The following THSD7B variants were observed in gnomAD, a reference collection of about 807,000 sequenced individuals.
The protein encoded by THSD7B is thrombospondin type 1 domain containing 7B.
Under a neutral mutation model 213.6 loss-of-function variants are expected in THSD7B, and 138 were observed. The ratio of observed to expected loss-of-function variants is 0.65; its 90% confidence interval spans 0.56 to 0.74. The LOEUF is 0.74. Ranked by LOEUF, THSD7B falls within the 30% of genes least tolerant of loss-of-function variation. THSD7B has a pLI of 0.00. For synonymous variants in THSD7B, 742 were observed against 687.0 expected, an observed-to-expected ratio of 1.08 and a Z score of -1.25; for missense variants, 1,931 against 1,991.5, an observed-to-expected ratio of 0.97 and a Z score of 0.58.
intron 2 of THSD7B, among the ~76,000 whole-genome samples, chr2:136,906,996 G>A (rs1684176145): frequency 7.9e-6 from 1 of 126,230 alleles, no homozygotes; most frequent in Non-Finnish European, 1.6e-5. Context: ...CCAAGCTGGA[G>A]TGCAGTGGTG....
rs1469412459 is a variant in THSD7B, at chr2:137,677,529, T to A, written c.*924T>A. 1.3e-5 allele frequency: 2 copies of A among 152,632 alleles called. No homozygotes were observed. Among genetic ancestry groups the A allele is most frequent in the African/African-American group, 2.4e-5 (1 of 41,424 alleles). 9.5% of individuals were successfully genotyped at this position (152,632 alleles called of 1,614,324 possible). A position where few individuals can be genotyped will look rare whatever the true frequency, so the allele number is the denominator to read the frequency against. ...ATTATCTGACCTCATTTAATATACA[T>A]CAAACACCGATCCTGTTTGTACAAA... On this transcript the variant is annotated 3_prime_UTR_variant, in exon 28 of 28. Transcript: ENST00000409968.
intron 18 of THSD7B, among the ~76,000 whole-genome samples, chr2:137,617,446 A>G (rs1472428713): frequency 6.6e-6 from 1 of 152,224 alleles, no homozygotes; most frequent in Non-Finnish European, 1.5e-5. Flanking sequence ...CTAGTTTGTA[A>G]TATGACTAGC....
chr2:137,413,770 A>C (rs1475019986), intron 14 of THSD7B, among the ~76,000 whole-genome samples: 1 of 152,188 alleles, frequency 6.6e-6, no homozygotes, highest in Non-Finnish European at 1.5e-5. Context: ...TCAGCTTGGA[A>C]GTGGGGTAAG....
At chr2:137,438,217 A>C (rs1687332395) in intron 14 of THSD7B, among the ~76,000 whole-genome samples, 1 of 152,142 alleles carries the variant, frequency 6.6e-6, no homozygotes, top group East Asian at 1.9e-4. Flanking sequence ...ACAAGTAGTA[A>C]GTGTCCTGGT....
intron 3 of THSD7B, among the ~76,000 whole-genome samples, chr2:137,059,057 T>C (rs1573794914): frequency 1.3e-5 from 2 of 152,224 alleles, no homozygotes. Context: ...TCCACAGTTC[T>C]GGAGGCTGGA....
intron 2 of THSD7B, among the ~76,000 whole-genome samples, chr2:136,904,311 A>T (rs989529183): frequency 5.9e-5 from 9 of 152,086 alleles, no homozygotes; most frequent in African/African-American, 2.2e-4. Context: ...TCATCCAGTC[A>T]TCCTGATCCT....
At chr2:136,902,369 A>G (rs1684077805) in intron 2 of THSD7B, among the ~76,000 whole-genome samples, 1 of 152,252 alleles carries the variant, frequency 6.6e-6, no homozygotes, top group Non-Finnish European at 1.5e-5. Flanking sequence ...GTTATGAAAC[A>G]TATATTTAAG....
intron 2 of THSD7B, among the ~76,000 whole-genome samples, chr2:136,887,783 A>G (rs886297652): frequency 1.4e-4 from 21 of 152,138 alleles, no homozygotes; most frequent in African/African-American, 4.8e-4. Context: ...ACATACTAAT[A>G]CAAGTATAAT....
rs75266174 is a variant in THSD7B, at chr2:137,228,256, T to C, written c.1724-2788T>C. ...GTTCTGATCTATTTGTTCCCTTTTCTGAATTAGCCTGTATAGCCAAACTAC... is the reference window on the plus strand; with the variant it reads ...GTTCTGATCTATTTGTTCCCTTTTCCGAATTAGCCTGTATAGCCAAACTAC... On this transcript the variant is annotated intron_variant, in intron 7 of 27. Coordinates refer to ENST00000409968, the MANE Select transcript of THSD7B (RefSeq NM_001316349.2). Among the ~76,000 whole-genome samples the C allele has an allele frequency of 3.7e-3, 556 of 152,184 alleles. 5 individuals are homozygous for C. The highest frequency in any genetic ancestry group is 0.013 in the African/African-American group (531 of 41,548).
At chr2:137,143,314 A>T (rs1056091768) in intron 5 of THSD7B, among the ~76,000 whole-genome samples, 8 of 152,176 alleles carry the variant, frequency 5.3e-5, no homozygotes, top group African/African-American at 9.6e-5. Flanking sequence ...CAGTCAAATG[A>T]TAAGCCCATC....
At chr2:137,155,720 A>C (rs1483335167) in intron 5 of THSD7B, among the ~76,000 whole-genome samples, 2 of 152,192 alleles carry the variant, frequency 1.3e-5, no homozygotes, top group Non-Finnish European at 2.9e-5. Flanking sequence ...TTGGGAAAAG[A>C]CTGGAGTTTT....
chr2:136,883,603 G>A (rs1290918642), intron 2 of THSD7B, among the ~76,000 whole-genome samples: 1 of 152,030 alleles, frequency 6.6e-6, no homozygotes, highest in African/African-American at 2.4e-5. Context: ...GACTACTGTC[G>A]AAAGTTTTAA....
At chr2:137,548,889 A>G (rs770296873) in intron 15 of THSD7B, among the ~76,000 whole-genome samples, 2 of 152,134 alleles carry the variant, frequency 1.3e-5, no homozygotes, top group East Asian at 3.9e-4. Flanking sequence ...TCCAAATTAT[A>G]TTGATTTCCT....
chr2:137,178,924 A>G (rs964766797), intron 7 of THSD7B, among the ~76,000 whole-genome samples: 8 of 152,234 alleles, frequency 5.3e-5, no homozygotes, highest in African/African-American at 1.9e-4. Context: ...TTTCACAATC[A>G]GACTAAATGT....
At chr2:136,824,222 T>C (rs1249425415) in intron 1 of THSD7B, among the ~76,000 whole-genome samples, 1 of 152,100 alleles carries the variant, frequency 6.6e-6, no homozygotes, top group Non-Finnish European at 1.5e-5. Flanking sequence ...TTTCTAAATA[T>C]TGTTTTTGAT....
At chr2:136,775,880 G>A (rs973386330) in intron 1 of THSD7B, among the ~76,000 whole-genome samples, 1 of 152,138 alleles carries the variant, frequency 6.6e-6, no homozygotes, top group Non-Finnish European at 1.5e-5. Context: ...AGATCATCAA[G>A]AAGACATTTC....
intron 15 of THSD7B, among the ~76,000 whole-genome samples, chr2:137,489,795 A>G (rs1688563472): frequency 6.6e-6 from 1 of 152,188 alleles, no homozygotes; most frequent in Non-Finnish European, 1.5e-5. Flanking sequence ...GTTAGCCTGA[A>G]ATCACCATAT....
At chr2:136,916,276 A>G (rs1310904449) in intron 2 of THSD7B, among the ~76,000 whole-genome samples, 1 of 152,244 alleles carries the variant, frequency 6.6e-6, no homozygotes, top group Non-Finnish European at 1.5e-5. Context: ...AACCTCTGCC[A>G]TGATGGGCAG....
At chr2:137,326,465 T>A (rs1684376898) in intron 12 of THSD7B, among the ~76,000 whole-genome samples, 1 of 152,102 alleles carries the variant, frequency 6.6e-6, no homozygotes, top group East Asian at 1.9e-4. Context: ...AAACTTGACC[T>A]AAAAACAACT....
Sources: gnomAD v4.1 joint callset for allele counts (sites outside exome capture counted in the v4.1 genomes callset) on GRCh38, gnomAD v4.1.1 for gene constraint, MANE v1.5 for transcripts, NCBI Gene and HGNC (gene_info 2026-07-23, HGNC 2026-07-21) for gene names.